NAALADL2: variants seen among roughly 807,000 people sequenced by gnomAD.
NAALADL2 encodes inactive N-acetylated-alpha-linked acidic dipeptidase-like protein 2.
Under a neutral mutation model 87.2 loss-of-function variants are expected in NAALADL2, and 76 were observed. That is an observed-to-expected ratio of 0.87 (90% confidence interval 0.72 to 1.05). NAALADL2 has a LOEUF of 1.05. NAALADL2 is among the 50% of genes least tolerant of loss of function. The pLI is 0.00. For missense variants in NAALADL2, 1,089 were observed against 945.8 expected (o/e 1.15, Z -1.99); for synonymous variants, 354 against 331.0 (o/e 1.07, Z -0.75).
At chr3:174,988,191 A>G (rs1374320223) in intron 1 of NAALADL2, among the ~76,000 whole-genome samples, 2 of 152,150 alleles carry the variant, frequency 1.3e-5, no homozygotes, top group Non-Finnish European at 2.9e-5. Flanking sequence ...AGGAGCCACA[A>G]GAAACTCTGT....
chr3:175,288,234 A>G (rs1435686654), intron 4 of NAALADL2, among the ~76,000 whole-genome samples: 2 of 152,188 alleles, frequency 1.3e-5, no homozygotes, highest in South Asian at 2.1e-4. Context: ...AAAGTAGTCA[A>G]GCAGGAAGAA....
chr3:174,549,357 A>C (rs1377378983), intron 1 of NAALADL2, among the ~76,000 whole-genome samples: 2 of 152,348 alleles, frequency 1.3e-5, no homozygotes, highest in Middle Eastern at 3.4e-3. Flanking sequence ...ATAGTTTAGC[A>C]GGATGACCAA....
intron 13 of NAALADL2, among the ~76,000 whole-genome samples, chr3:175,769,076 T>C (rs903439627): frequency 6.6e-6 from 1 of 152,226 alleles, no homozygotes; most frequent in African/African-American, 2.4e-5. Context: ...TTGCATTTCC[T>C]GATTCTCTTT....
intron 5 of NAALADL2, among the ~76,000 whole-genome samples, chr3:175,375,036 A>G (rs1391001794): frequency 6.6e-6 from 1 of 152,102 alleles, no homozygotes; most frequent in African/African-American, 2.4e-5. Flanking sequence ...TACTGAAAAA[A>G]TCTTACTTTT....
chr3:174,458,464 T>C (rs1715994232), intron 1 of NAALADL2: 1 of 152,234 alleles, frequency 6.6e-6, no homozygotes, highest in Non-Finnish European at 1.5e-5. Context: ...ATAAATGTTA[T>C]TTTCCTTTTC....
chr3:174,552,585 A>C (rs1247446188), intron 2 of NAALADL2, among the ~76,000 whole-genome samples: 4 of 152,012 alleles, frequency 2.6e-5, no homozygotes, highest in Non-Finnish European at 5.9e-5. Context: ...GCCTGAGTGC[A>C]GGAGTTTGAG....
At chr3:175,594,157 C>T (rs1352941286) in intron 10 of NAALADL2, among the ~76,000 whole-genome samples, 2 of 152,016 alleles carry the variant, frequency 1.3e-5, no homozygotes, top group Non-Finnish European at 2.9e-5. Flanking sequence ...TGGTCTCTCT[C>T]CCATCAAATA....
chr3:174,532,737 G>A (rs1357931581), intron 1 of NAALADL2, among the ~76,000 whole-genome samples: 2 of 151,798 alleles, frequency 1.3e-5, no homozygotes, highest in African/African-American at 4.8e-5. Context: ...TTTACTGAAC[G>A]TTCTTAGCTT....
chr3:174,614,911 A>G (rs1363937855), intron 2 of NAALADL2, among the ~76,000 whole-genome samples: 1 of 152,162 alleles, frequency 6.6e-6, no homozygotes, highest in African/African-American at 2.4e-5. Context: ...GGGAAATTTT[A>G]TACTATAATG....
At chr3:175,409,293 G>T (rs1169469794) in intron 5 of NAALADL2, among the ~76,000 whole-genome samples, 1 of 151,694 alleles carries the variant, frequency 6.6e-6, no homozygotes, top group Non-Finnish European at 1.5e-5. Context: ...AAAAAAGAAA[G>T]AAAATAAATA....
chr3:174,881,800 T>C (rs1463888463), intron 1 of NAALADL2, among the ~76,000 whole-genome samples: 1 of 152,118 alleles, frequency 6.6e-6, no homozygotes, highest in Non-Finnish European at 1.5e-5. Flanking sequence ...TCTAGAAATC[T>C]GGGTCGGATA....
chr3:175,578,942 A>G (rs1407536713), intron 10 of NAALADL2, among the ~76,000 whole-genome samples: 1 of 152,222 alleles, frequency 6.6e-6, no homozygotes, highest in Non-Finnish European at 1.5e-5. Flanking sequence ...AGATTAGAAG[A>G]TGAATACTCA....
chr3:175,730,395 GATAT>G (rs5854656), intron 11 of NAALADL2, among the ~76,000 whole-genome samples: 5,281 of 54,966 alleles, frequency 0.096, 225 homozygotes, highest in East Asian at 0.13. Context: ...ACTTAATACA[GATAT>G]ATATATATAT....
chr3:174,968,725 C>T (rs1743210965), intron 1 of NAALADL2, among the ~76,000 whole-genome samples: 2 of 152,152 alleles, frequency 1.3e-5, no homozygotes, highest in South Asian at 4.1e-4. Flanking sequence ...TGATCCGCCG[C>T]CTCGGCCTCC....
intron 5 of NAALADL2, among the ~76,000 whole-genome samples, chr3:175,384,020 G>C (rs1250913761): frequency 6.6e-6 from 1 of 151,958 alleles, no homozygotes; most frequent in Non-Finnish European, 1.5e-5. Flanking sequence ...CTTACTTCTT[G>C]CCTCAAGGCT....
rs565881544 is a variant in NAALADL2, at chr3:174,555,549, CT to C, written c.-115+4914del. 3.9e-3 allele frequency among the ~76,000 whole-genome samples: 601 copies of C among 152,330 alleles called. 2 individuals carry two copies. Among genetic ancestry groups the C allele is most frequent in the African/African-American group, 0.013 (529 of 41,586 alleles). ...TCCTGACCTCTGGTGGTCCGCCGGCCTTGGCCTCCCAAAGTGCTGGGATTAC... is the reference window on the plus strand; with the variant it reads ...TCCTGACCTCTGGTGGTCCGCCGGCCTGGCCTCCCAAAGTGCTGGGATTAC... On this transcript the variant is annotated intron_variant, in intron 2 of 3. Coordinates refer to the NAALADL2 transcript ENST00000434257.
rs566152789 is a variant in NAALADL2 at position 175,091,015 on chromosome 3, CAG to C, written c.44-5772_44-5771del. ...TATACTGAAGAATTAAGTCAGGAAA[CAG>C]AGTCTTCTGAATTACTATTTTTATA... On this transcript the variant is annotated intron_variant, in intron 1 of 13. Coordinates refer to ENST00000454872, the MANE Select transcript of NAALADL2 (RefSeq NM_207015.3). 2.0e-3 allele frequency among the ~76,000 whole-genome samples: 298 copies of C among 151,902 alleles called. 1 individual carries two copies. Among genetic ancestry groups the C allele is most frequent in the African/African-American group, 3.8e-3 (157 of 41,460 alleles).
chr3:174,819,473 G>A (rs541819925), intron 3 of NAALADL2, among the ~76,000 whole-genome samples: 106 of 151,902 alleles, frequency 7.0e-4, no homozygotes, highest in Non-Finnish European at 1.3e-3. Context: ...TAACATAGAG[G>A]TATAAAAGAG....
intron 2 of NAALADL2, among the ~76,000 whole-genome samples, chr3:174,659,305 AAG>A (rs1725284068): frequency 6.6e-6 from 1 of 152,220 alleles, no homozygotes. Flanking sequence ...CTTAGAAGCA[AAG>A]AGAAAAATAA....
Sources: gnomAD v4.1 joint callset for allele counts (sites outside exome capture counted in the v4.1 genomes callset) on GRCh38, gnomAD v4.1.1 for gene constraint, MANE v1.5 for transcripts, NCBI Gene and HGNC (gene_info 2026-07-23, HGNC 2026-07-21) for gene names.